Variants in AGBL1 observed in about 807,000 individuals in gnomAD.
The protein encoded by AGBL1 is cytosolic carboxypeptidase 4.
AGBL1 carries 130 observed loss-of-function variants against 118.9 expected under a neutral mutation model. The observed-to-expected ratio is 1.09, with a 90% CI of 0.95 to 1.26. The LOEUF (loss-of-function observed/expected upper bound fraction) is 1.26. Ranked by LOEUF, AGBL1 falls within the 50% of genes most tolerant of loss-of-function variation. The pLI is 0.00. For synonymous variants in AGBL1, 555 were observed against 478.9 expected (o/e 1.16, Z -2.08); for missense variants, 1,584 against 1,298.1 (o/e 1.22, Z -3.38).
intron 23 of AGBL1, among the ~76,000 whole-genome samples, chr15:86,923,844 C>G (rs747689162): frequency 6.6e-6 from 1 of 152,166 alleles, no homozygotes; most frequent in Non-Finnish European, 1.5e-5. Context: ...AAAACCCACC[C>G]TATGTCATAC....
chr15:86,314,689 G>A (rs2079972063), intron 17 of AGBL1, among the ~76,000 whole-genome samples: 1 of 152,146 alleles, frequency 6.6e-6, no homozygotes, highest in African/African-American at 2.4e-5. Context: ...GCTTGTAACA[G>A]TGACTGGCTT....
At chr15:86,562,725 C>T (rs936194286) in intron 21 of AGBL1, among the ~76,000 whole-genome samples, 8 of 152,184 alleles carry the variant, frequency 5.3e-5, no homozygotes, top group Admixed American at 6.5e-5. Flanking sequence ...ATGGTACCAG[C>T]TCCTCCTTGT....
chr15:86,991,210 G>GT (rs2081333106), intron 24 of AGBL1, among the ~76,000 whole-genome samples: 1 of 152,088 alleles, frequency 6.6e-6, no homozygotes, highest in Non-Finnish European at 1.5e-5. Context: ...TGATACAAAA[G>GT]TCTTTTTCTT....
chr15:86,179,201 A>C (rs968987203), intron 5 of AGBL1, among the ~76,000 whole-genome samples: 1 of 152,240 alleles, frequency 6.6e-6, no homozygotes, highest in African/African-American at 2.4e-5. Flanking sequence ...GTTAAGCATT[A>C]TGAGAGCACA....
intron 18 of AGBL1, among the ~76,000 whole-genome samples, chr15:86,454,597 A>C (rs2082237656): frequency 6.6e-6 from 1 of 152,212 alleles, no homozygotes; most frequent in Non-Finnish European, 1.5e-5. Flanking sequence ...TAAATGCTAC[A>C]ACACGGATGA....
intron 18 of AGBL1, among the ~76,000 whole-genome samples, chr15:86,453,605 A>G (rs930003755): frequency 1.3e-5 from 2 of 152,204 alleles, no homozygotes; most frequent in Non-Finnish European, 2.9e-5. Context: ...GCAAAAAGCC[A>G]TCAGGTTTTA....
intron 22 of AGBL1, among the ~76,000 whole-genome samples, chr15:86,701,642 C>G (rs2086360019): frequency 6.8e-6 from 1 of 146,404 alleles, no homozygotes; most frequent in Non-Finnish European, 1.5e-5. Context: ...CTCCTCTCCT[C>G]CCCTCCCCTC....
At chr15:86,781,865 C>T (rs768586313) in intron 22 of AGBL1, among the ~76,000 whole-genome samples, 1 of 149,968 alleles carries the variant, frequency 6.7e-6, no homozygotes, top group Admixed American at 6.7e-5. Flanking sequence ...CTGGGAAGAA[C>T]AAGCATGAGA....
intron 21 of AGBL1, among the ~76,000 whole-genome samples, chr15:86,648,147 A>T (rs1183072242): frequency 6.6e-6 from 1 of 152,198 alleles, no homozygotes; most frequent in Non-Finnish European, 1.5e-5. Flanking sequence ...AATCTGACTT[A>T]CATTTTGAAG....
chr15:86,559,116 C>T (rs369149056), intron 21 of AGBL1, among the ~76,000 whole-genome samples: 3 of 152,110 alleles, frequency 2.0e-5, no homozygotes, highest in African/African-American at 7.2e-5. Flanking sequence ...TACCTGTGAA[C>T]CTCTATCTCT....
At chr15:86,846,778 C>T (rs988805491) in intron 22 of AGBL1, among the ~76,000 whole-genome samples, 12 of 152,150 alleles carry the variant, frequency 7.9e-5, no homozygotes, top group East Asian at 1.9e-4. Context: ...GTGATCCACC[C>T]GCCTCGGCCT....
chr15:86,682,664 C>T (rs1028899896), intron 22 of AGBL1, among the ~76,000 whole-genome samples: 1 of 151,966 alleles, frequency 6.6e-6, no homozygotes, highest in African/African-American at 2.4e-5. Context: ...GTACTTATTT[C>T]TCCACAAAAT....
At chr15:86,532,854 A>G (rs1223308812) in intron 19 of AGBL1, among the ~76,000 whole-genome samples, 2 of 71,894 alleles carry the variant, frequency 2.8e-5, no homozygotes, top group Non-Finnish European at 4.9e-5. Context: ...AAAACAAGCA[A>G]TGGGGAAAGG....
At chr15:86,528,353 A>G (rs2083297173) in intron 19 of AGBL1, among the ~76,000 whole-genome samples, 1 of 152,318 alleles carries the variant, frequency 6.6e-6, no homozygotes, top group Non-Finnish European at 1.5e-5. Context: ...TGACGGACGC[A>G]CCTGGAAAAT....
intron 21 of AGBL1, among the ~76,000 whole-genome samples, chr15:86,569,287 C>T (rs574341306): frequency 3.3e-5 from 5 of 151,920 alleles, no homozygotes; most frequent in South Asian, 2.1e-4. Flanking sequence ...TAAAATCAGC[C>T]GACCATGGTG....
chr15:86,289,051 T>C (rs1485710179), intron 16 of AGBL1, among the ~76,000 whole-genome samples: 4 of 152,198 alleles, frequency 2.6e-5, no homozygotes, highest in Non-Finnish European at 4.4e-5. Flanking sequence ...ATTTCTCCTT[T>C]AAAATGTTTG....
intron 5 of AGBL1, among the ~76,000 whole-genome samples, chr15:86,182,110 G>C (rs2077560911): frequency 6.6e-6 from 1 of 151,978 alleles, no homozygotes; most frequent in African/African-American, 2.4e-5. Context: ...AGCAAGAAAT[G>C]GACTGGTTTC....
intron 22 of AGBL1, among the ~76,000 whole-genome samples, chr15:86,687,793 G>A (rs1441420704): frequency 2.6e-5 from 4 of 152,034 alleles, no homozygotes; most frequent in East Asian, 1.9e-4. Context: ...CTATGTTCAG[G>A]TGTTTCTATT....
At chr15:86,234,458 G>A (rs1301261683) in intron 6 of AGBL1, among the ~76,000 whole-genome samples, 1 of 146,944 alleles carries the variant, frequency 6.8e-6, no homozygotes, top group African/African-American at 2.5e-5. Flanking sequence ...GGCTGAGGCA[G>A]AAGAATTGCT....
Sources: gnomAD v4.1 joint callset for allele counts (sites outside exome capture counted in the v4.1 genomes callset) on GRCh38, gnomAD v4.1.1 for gene constraint, MANE v1.5 for transcripts, NCBI Gene and HGNC (gene_info 2026-07-23, HGNC 2026-07-21) for gene names.